Variants in DROSHA observed in about 807,000 individuals in gnomAD.
DROSHA encodes the protein ribonuclease 3.
A neutral mutation model predicts 181.9 loss-of-function variants in DROSHA; 56 were observed. That is an observed-to-expected ratio of 0.31 (90% CI 0.25 to 0.38). DROSHA has a LOEUF of 0.38. Among genes scored for constraint, DROSHA ranks in the 10% least tolerant of loss-of-function variants. The pLI, the probability that DROSHA is intolerant of heterozygous loss-of-function variation, is 1.00. For missense variants in DROSHA, 1,218 were observed against 1,743.5 expected, an observed-to-expected ratio of 0.70 and a Z score of 5.37; for synonymous variants, 524 against 591.2, an observed-to-expected ratio of 0.89 and a Z score of 1.65.
intron 21 of DROSHA, among the ~76,000 whole-genome samples, chr5:31,451,030 C>T (rs890723963): frequency 1.3e-5 from 2 of 152,004 alleles, no homozygotes; most frequent in Non-Finnish European, 2.9e-5. Flanking sequence ...GGCAAAAGCC[C>T]GTCTCTACTA....
At chr5:31,474,099 C>T (rs187256841) in intron 16 of DROSHA, among the ~76,000 whole-genome samples, 11 of 152,266 alleles carry the variant, frequency 7.2e-5, no homozygotes, top group African/African-American at 2.2e-4. Flanking sequence ...AGATAACACT[C>T]AGAAAATAAA....
At chr5:31,497,616 T>G (rs1403607095) in intron 11 of DROSHA, among the ~76,000 whole-genome samples, 1 of 152,244 alleles carries the variant, frequency 6.6e-6, no homozygotes, top group African/African-American at 2.4e-5. Context: ...AGTCCCACTG[T>G]GGAACAGTCC....
At chr5:31,428,100 TG>T (rs1459316811) in intron 27 of DROSHA, among the ~76,000 whole-genome samples, 1 of 152,182 alleles carries the variant, frequency 6.6e-6, no homozygotes, top group Admixed American at 6.5e-5. Flanking sequence ...CACTAGGTAC[TG>T]GAAACACAAG....
rs528854801 is a variant in DROSHA, at chr5:31,514,298, A to G, written c.1290+690T>C. 6.6e-6 allele frequency among the ~76,000 whole-genome samples: 1 copy of G among 152,136 alleles called. No homozygotes were observed. Among genetic ancestry groups the G allele is most frequent in the Admixed American group, 6.6e-5 (1 of 15,266 alleles). On this transcript the variant is annotated intron_variant, in intron 8 of 35. Coordinates refer to ENST00000344624, the MANE Select transcript of DROSHA (RefSeq NM_001382508.1). This position sits in a 1 kb window ranked among gnomAD's most constrained non-coding sequence, Gnocchi z 4.4. Reference sequence around the variant, plus strand: ...ACTACAAACTGCATAAACTAGTTACATGTGAAAGCTTATGAAACCACCAGT... The same window carrying G: ...ACTACAAACTGCATAAACTAGTTACGTGTGAAAGCTTATGAAACCACCAGT...
intron 20 of DROSHA, among the ~76,000 whole-genome samples, chr5:31,462,660 T>G: frequency 7.4e-6 from 1 of 135,326 alleles, no homozygotes; most frequent in African/African-American, 2.8e-5. Flanking sequence ...AAAGGCTCAA[T>G]GCTTCAGAAA....
chr5:31,514,366 C>T lies in DROSHA; in HGVS notation c.1290+622G>A, dbSNP rs1739047483. 6.6e-6 allele frequency among the ~76,000 whole-genome samples: 1 copy of T among 152,194 alleles called. No homozygotes were observed. Among genetic ancestry groups the T allele is most frequent in the South Asian group, 2.1e-4 (1 of 4,820 alleles). Reference sequence around the variant, plus strand: ...CATTAAAAATGTAGAATAGGCTGGGCACAGTGGCTCACACCTGTAATCCCA... The same window carrying T: ...CATTAAAAATGTAGAATAGGCTGGGTACAGTGGCTCACACCTGTAATCCCA... On this transcript the variant is annotated intron_variant, in intron 8 of 35. Transcript: ENST00000344624. This position sits in a 1 kb window ranked among gnomAD's most constrained non-coding sequence, Gnocchi z 4.4.
intron 13 of DROSHA, among the ~76,000 whole-genome samples, chr5:31,488,413 CAAA>C (rs746732224): frequency 3.1e-5 from 2 of 64,082 alleles, no homozygotes; most frequent in Non-Finnish European, 3.3e-5. Flanking sequence ...ACTCTATCAC[CAAA>C]AAAAAAAAAA....
At chr5:31,487,933 T>C (rs1350733483) in intron 13 of DROSHA, among the ~76,000 whole-genome samples, 1 of 152,192 alleles carries the variant, frequency 6.6e-6, no homozygotes, top group South Asian at 2.1e-4. Flanking sequence ...ATTAGGTTCA[T>C]AGGTACTCTA....
intron 4 of DROSHA, among the ~76,000 whole-genome samples, chr5:31,527,999 C>A (rs187111877): frequency 1.8e-3 from 272 of 152,164 alleles, no homozygotes; most frequent in African/African-American, 6.4e-3. Flanking sequence ...GCCTCCCCAG[C>A]CCCCACCCCC....
intron 23 of DROSHA, among the ~76,000 whole-genome samples, chr5:31,443,155 G>A (rs1268922160): frequency 6.6e-6 from 1 of 151,426 alleles, no homozygotes; most frequent in Non-Finnish European, 1.5e-5. Context: ...GAGTAGCTGG[G>A]ATTACAGGAG....
chr5:31,432,651 G>A (rs1195970018), intron 25 of DROSHA, among the ~76,000 whole-genome samples: 1 of 152,180 alleles, frequency 6.6e-6, no homozygotes, highest in Non-Finnish European at 1.5e-5. Context: ...AATAGCATTT[G>A]TAGTGAATTG....
intron 33 of DROSHA, chr5:31,408,765 CT>C (rs1403617450): frequency 3.7e-6 from 1 of 269,948 alleles, no homozygotes; most frequent in Non-Finnish European, 7.0e-6. Context: ...TCCAAATTTT[CT>C]TTTTAATCTC....
intron 10 of DROSHA, 32 bp from the exon 11 acceptor site, chr5:31,504,667 T>C: frequency 6.2e-7 from 1 of 1,612,332 alleles, no homozygotes; most frequent in Non-Finnish European, 8.5e-7. Flanking sequence ...TCGTTTTTAT[T>C]GGAGGGAAAA....
chr5:31,402,505 GT>G (rs1740135723), intron 35 of DROSHA, among the ~76,000 whole-genome samples: 1 of 152,002 alleles, frequency 6.6e-6, no homozygotes, highest in African/African-American at 2.4e-5. Context: ...TGCCTGATTT[GT>G]AAATTAAATT....
At chr5:31,457,123 C>CTTTTTTTTTTTTT in intron 20 of DROSHA, among the ~76,000 whole-genome samples, 1 of 99,096 alleles carries the variant, frequency 1.0e-5, no homozygotes, top group Non-Finnish European at 1.8e-5. Context: ...GAAATTAAGC[C>CTTTTTTTTTTTTT]TTTTTTTTTT....
chr5:31,409,859 T>A lies in DROSHA; in HGVS notation c.3668-527A>T, dbSNP rs1171177654. Reference sequence around the variant, plus strand: ...ATCTTAATGACAACAATATGTCAAATTTTGCATTAATAAATGGTGACCCCC... The same window carrying A: ...ATCTTAATGACAACAATATGTCAAAATTTGCATTAATAAATGGTGACCCCC... On this transcript the variant is annotated intron_variant, in intron 31 of 35. Transcript: ENST00000344624. This position sits in a 1 kb window ranked among gnomAD's most constrained non-coding sequence, Gnocchi z 4.0. Among the ~76,000 whole-genome samples the A allele has an allele frequency of 2.6e-5, 4 of 151,984 alleles. No homozygotes were observed. The highest frequency in any genetic ancestry group is 5.9e-5 in the Non-Finnish European group (4 of 68,006).
intron 30 of DROSHA, among the ~76,000 whole-genome samples, chr5:31,415,354 A>G (rs1481744312): frequency 6.6e-6 from 1 of 152,240 alleles, no homozygotes; most frequent in Non-Finnish European, 1.5e-5. Context: ...TGGTCGCCAG[A>G]TGGTCTCCAT....
intron 20 of DROSHA, among the ~76,000 whole-genome samples, chr5:31,460,352 T>C (rs1748268294): frequency 6.6e-6 from 1 of 152,182 alleles, no homozygotes; most frequent in African/African-American, 2.4e-5. Context: ...TTTTCAATCC[T>C]CTTAACATTG....
intron 6 of DROSHA, among the ~76,000 whole-genome samples, chr5:31,516,219 C>T (rs1284685175): frequency 6.6e-6 from 1 of 152,190 alleles, no homozygotes; most frequent in East Asian, 1.9e-4. Flanking sequence ...TTGCACCACG[C>T]ACTCCAGCCT....
Sources: gnomAD v4.1 joint callset for allele counts (sites outside exome capture counted in the v4.1 genomes callset) on GRCh38, gnomAD v4.1.1 for gene constraint, Gnocchi (gnomAD v3.1) non-coding constraint, MANE v1.5 for transcripts, NCBI Gene and HGNC (gene_info 2026-07-23, HGNC 2026-07-21) for gene names.